PTPN14: variants seen among roughly 807,000 people sequenced by gnomAD.
PTPN14 encodes tyrosine-protein phosphatase non-receptor type 14.
Under a neutral mutation model 126.8 loss-of-function variants are expected in PTPN14, and 53 were observed. The ratio of observed to expected loss-of-function variants is 0.42; its 90% CI spans 0.34 to 0.53. The LOEUF (loss-of-function observed/expected upper bound fraction) is 0.53, where lower values mean the gene tolerates loss of function less well. PTPN14 is among the 20% of genes least tolerant of loss of function. PTPN14 has a pLI of 0.08. For synonymous variants in PTPN14, 630 were observed against 599.3 expected (o/e 1.05, Z -0.75); for missense variants, 1,257 against 1,552.9 (o/e 0.81, Z 3.20).
intron 3 of PTPN14, among the ~76,000 whole-genome samples, chr1:214,423,167 G>T (rs1267611950): frequency 6.6e-6 from 1 of 151,880 alleles, no homozygotes; most frequent in Non-Finnish European, 1.5e-5. Flanking sequence ...GGGAAGGAAA[G>T]TCAGCCAAAC....
intron 1 of PTPN14, among the ~76,000 whole-genome samples, chr1:214,474,574 A>T (rs769209647): frequency 6.6e-6 from 1 of 152,258 alleles, no homozygotes; most frequent in Non-Finnish European, 1.5e-5. Context: ...ACAATTAAAT[A>T]GTACCCAGCA....
chr1:214,512,777 T>C (rs1020534297), intron 1 of PTPN14, among the ~76,000 whole-genome samples: 2 of 152,116 alleles, frequency 1.3e-5, no homozygotes, highest in African/African-American at 4.8e-5. Context: ...CTGCAACCTC[T>C]CTCTCCAGGC....
chr1:214,409,707 C>G (rs1659255962), intron 5 of PTPN14, among the ~76,000 whole-genome samples: 1 of 152,084 alleles, frequency 6.6e-6, no homozygotes, highest in African/African-American at 2.4e-5. Context: ...CACTTGTTAT[C>G]TTTTACTCCT....
intron 3 of PTPN14, among the ~76,000 whole-genome samples, chr1:214,429,428 G>A (rs1659747319): frequency 6.6e-6 from 1 of 152,182 alleles, no homozygotes; most frequent in Non-Finnish European, 1.5e-5. Context: ...TGATGATTCA[G>A]ATAGCTAGAG....
Position 214,373,050 on chromosome 1 carries a change from ATATT to A in PTPN14, c.2908-215_2908-212del, listed in dbSNP as rs1279066413. Among the ~76,000 whole-genome samples, 4 of 152,248 alleles carry A rather than the reference ATATT, an allele frequency of 2.6e-5. No homozygotes were observed. The East Asian group carries it at 7.7e-4, about 29-fold the overall frequency. ...ACTTTTTGCCACTCAAGCCTATTAAATATTTATCTAATCCTGGTTTTTGAGACTG... is the reference window on the plus strand; with the variant it reads ...ACTTTTTGCCACTCAAGCCTATTAAATATCTAATCCTGGTTTTTGAGACTG... On this transcript the variant is annotated intron_variant, in intron 15 of 18. Transcript: ENST00000366956.
intron 3 of PTPN14, among the ~76,000 whole-genome samples, chr1:214,439,971 T>C (rs977136266): frequency 1.3e-5 from 2 of 152,232 alleles, no homozygotes; most frequent in African/African-American, 2.4e-5. Flanking sequence ...AACTACTTCC[T>C]TCTCTTTGAC....
chr1:214,375,545 A>G (rs2102526164), intron 15 of PTPN14, among the ~76,000 whole-genome samples: 1 of 152,380 alleles, frequency 6.6e-6, no homozygotes, highest in East Asian at 1.9e-4. Context: ...ACATTTAACT[A>G]CAGGTACACA....
chr1:214,497,777 A>C (rs1340065960), intron 1 of PTPN14, among the ~76,000 whole-genome samples: 4 of 152,170 alleles, frequency 2.6e-5, no homozygotes, highest in Admixed American at 6.5e-5. Context: ...TCTACATTTC[A>C]TATTATGTAT....
Position 214,364,714 on chromosome 1 carries a change from C to T in PTPN14, c.3272-39G>A, listed in dbSNP as rs753788541. On this transcript the variant is annotated intron_variant, in intron 17 of 18. Transcript: ENST00000366956. The surrounding 1 kb of genome is among the most constrained non-coding windows in gnomAD (Gnocchi z 4.1). ...TGCAAATTCTGTCACCAAAGTCCTC[C>T]ATGGCTTCGCATGTAAGTTGGGGAG... is the stretch of plus-strand genomic sequence containing the variant. 11 of 1,584,540 alleles carry T rather than the reference C, an allele frequency of 6.9e-6. No individual in the cohort carries two copies. The highest frequency in any genetic ancestry group is 2.6e-6 in the Non-Finnish European group (3 of 1,164,896).
At chr1:214,467,999 T>C (rs548455334) in intron 1 of PTPN14, among the ~76,000 whole-genome samples, 2 of 151,908 alleles carry the variant, frequency 1.3e-5, no homozygotes, top group South Asian at 4.2e-4. Flanking sequence ...TTAGGAATTA[T>C]GAAAACAAAA....
intron 1 of PTPN14, among the ~76,000 whole-genome samples, chr1:214,472,753 C>T (rs1482203535): frequency 6.6e-6 from 1 of 152,168 alleles, no homozygotes; most frequent in Admixed American, 6.5e-5. Context: ...AAAAATTGAA[C>T]TTGGGTTTCC....
chr1:214,503,068 G>C (rs1410996908), intron 1 of PTPN14, among the ~76,000 whole-genome samples: 2 of 151,520 alleles, frequency 1.3e-5, no homozygotes, highest in Non-Finnish European at 3.0e-5. Flanking sequence ...GAGAGATTCA[G>C]AGTTTTAAAT....
At chr1:214,489,540 A>G (rs982033511) in intron 1 of PTPN14, among the ~76,000 whole-genome samples, 7 of 152,172 alleles carry the variant, frequency 4.6e-5, no homozygotes, top group African/African-American at 1.7e-4. Flanking sequence ...TCAACCTTCC[A>G]GGAAAGTTCT....
rs767295781 is a variant in PTPN14 at position 214,383,265 on chromosome 1, A to G, written c.2544+46T>C. ...CTGCCCCTTGCTCAGTGCCTGAAGC[A>G]TGTGCTTTCACACTGGAAAATGCCC... On this transcript the variant is annotated intron_variant, in intron 13 of 18. Coordinates refer to ENST00000366956, the MANE Select transcript of PTPN14 (RefSeq NM_005401.5). The surrounding 1 kb of genome is among the most constrained non-coding windows in gnomAD (Gnocchi z 4.4). 4 of 1,578,024 alleles carry G rather than the reference A, an allele frequency of 2.5e-6. No homozygotes were observed. The East Asian group carries it at 9.0e-5, about 36-fold the overall frequency.
chr1:214,481,443 C>T (rs1299131950), intron 1 of PTPN14, among the ~76,000 whole-genome samples: 1 of 122,978 alleles, frequency 8.1e-6, no homozygotes, highest in African/African-American at 3.2e-5. Context: ...CCTGGGAGGC[C>T]AAGGTTGCTG....
At position 214,378,077 on chromosome 1, in the gene PTPN14, C is replaced by T. The variant is rs72757962; in HGVS notation, c.2570G>A (p.Gly857Asp). ...CAGCGGCCTCTTCTGTGCCTCCAGG[C>T]CTGCCATCTTCTGCTTCTCTAGATT... Reference protein sequence around the residue: ...IRNLEKQKMAGLEAQKRPLML... With the variant: ...IRNLEKQKMADLEAQKRPLML... Residue 857 changes from glycine (G) to aspartate (D), a missense_variant, in exon 14 of 19, where the codon GGC (glycine) becomes GAC (aspartate). Physicochemically the swap from Gly to Asp is moderately conservative, Grantham distance 94. This residue lies in a region of PTPN14 where 1,021 missense variants were observed against 1,183.3 expected (regional missense o/e 0.86). Coordinates refer to ENST00000366956, the MANE Select transcript of PTPN14 (RefSeq NM_005401.5). 0.017 allele frequency: 26,895 copies of T among 1,610,956 alleles called. 265 individuals are homozygous for T. The highest frequency in any genetic ancestry group is 0.02 in the Non-Finnish European group (24,021 of 1,179,654).
chr1:214,450,483 A>AAAAAAG (rs202068762), intron 3 of PTPN14, among the ~76,000 whole-genome samples: 11 of 151,656 alleles, frequency 7.3e-5, no homozygotes, highest in East Asian at 1.9e-4. Context: ...AATTAAAAAA[A>AAAAAAG]AAAAAGAAAA....
Position 214,355,338 on chromosome 1 carries a change from G to C in PTPN14, c.*2584C>G, listed in dbSNP as rs1235930566. ...CTAACAGTGCCCACCTTGGGGCTTAGAGATAAAAGATAAATACTGATGTTG... is the reference window on the plus strand; with the variant it reads ...CTAACAGTGCCCACCTTGGGGCTTACAGATAAAAGATAAATACTGATGTTG... On this transcript the variant is annotated 3_prime_UTR_variant, in exon 19 of 19. Transcript: ENST00000366956. 2 of 152,158 alleles carry C rather than the reference G, an allele frequency of 1.3e-5. No individual in the cohort carries two copies. 9.4% of individuals were successfully genotyped at this position (152,158 alleles called of 1,614,324 possible).
chr1:214,503,692 C>T (rs1237974517), intron 1 of PTPN14, among the ~76,000 whole-genome samples: 1 of 152,174 alleles, frequency 6.6e-6, no homozygotes, highest in African/African-American at 2.4e-5. Flanking sequence ...CGGTGTAATT[C>T]GGTAAAATCC....
Sources: allele counts gnomAD v4.1 joint callset (sites outside exome capture counted in the v4.1 genomes callset), GRCh38; gene constraint gnomAD v4.1.1; regional missense constraint gnomAD v4.1.1; non-coding constraint Gnocchi (gnomAD v3.1); transcripts MANE v1.5; gene names NCBI Gene and HGNC (gene_info 2026-07-23, HGNC 2026-07-21).